RYR1: variants seen among roughly 807,000 people sequenced by gnomAD.
RYR1 encodes the protein ryanodine receptor 1, also known as central core disease of muscle.
A neutral mutation model predicts 583.5 loss-of-function variants in RYR1; 342 were observed. That is an observed-to-expected ratio of 0.59 (90% CI 0.54 to 0.64). RYR1 has a LOEUF of 0.64. Among genes scored for constraint, RYR1 ranks in the 30% least tolerant of loss-of-function variants. The pLI is 0.00. For synonymous variants in RYR1, 2,791 were observed against 2,822.5 expected (o/e 0.99, Z 0.35); for missense variants, 6,032 against 6,917.2 (o/e 0.87, Z 4.54).
intron 89 of RYR1, among the ~76,000 whole-genome samples, chr19:38,555,823 T>C (rs2145813861): frequency 6.6e-6 from 1 of 152,302 alleles, no homozygotes; most frequent in East Asian, 1.9e-4. Flanking sequence ...AGATCTTTAC[T>C]GTCCAACAGA....
chr19:38,536,476 T>G, intron 82 of RYR1, among the ~76,000 whole-genome samples: 1 of 151,494 alleles, frequency 6.6e-6, no homozygotes, highest in Non-Finnish European at 1.5e-5. Flanking sequence ...CGCTCCTGCC[T>G]TTCTACCTCT....
intron 58 of RYR1, among the ~76,000 whole-genome samples, chr19:38,509,666 C>T (rs1043150289): frequency 6.6e-6 from 1 of 151,880 alleles, no homozygotes; most frequent in African/African-American, 2.4e-5. Flanking sequence ...ACCATGTTGG[C>T]CAGGATGGTC....
chr19:38,497,966 C>A (rs1969922892), intron 42 of RYR1, among the ~76,000 whole-genome samples: 1 of 151,546 alleles, frequency 6.6e-6, no homozygotes, highest in Admixed American at 6.6e-5. Flanking sequence ...AGAGCGAGAC[C>A]CCTTAAAAAA....
At chr19:38,460,351 TC>T in intron 19 of RYR1, 23 bp from the exon 20 acceptor site, 1 of 1,605,690 alleles carries the variant, frequency 6.2e-7, no homozygotes, top group Non-Finnish European at 8.5e-7. Context: ...CCCTCAATGA[TC>T]CCCATTGTCC....
intron 31 of RYR1, among the ~76,000 whole-genome samples, chr19:38,480,051 G>A (rs1472214041): frequency 3.9e-5 from 6 of 151,934 alleles, no homozygotes; most frequent in Non-Finnish European, 8.8e-5. Flanking sequence ...AATTAAAAAC[G>A]TATACAAGAA....
chr19:38,445,760 G>A (rs1477862585), intron 7 of RYR1, among the ~76,000 whole-genome samples: 4 of 152,110 alleles, frequency 2.6e-5, no homozygotes, highest in African/African-American at 4.8e-5. Flanking sequence ...GGGCCAAGGC[G>A]GGTGGATCAC....
In RYR1 at chr19:38,460,467, A is replaced by C. The variant is rs374367026; in HGVS notation, c.2453A>C (p.Glu818Ala). 2 of 1,614,104 alleles carry C rather than the reference A, an allele frequency of 1.2e-6. No individual in the cohort carries two copies. The highest frequency in any genetic ancestry group is 1.3e-5 in the African/African-American group (1 of 75,014). The change falls in exon 20 of 106, where the codon GAG becomes GCG. Residue 818 changes from glutamate (E) to alanine (A), a missense_variant. By Grantham distance (107) the Glu-to-Ala change is moderately radical. Around this residue, in one of 11 missense-constraint regions of RYR1, gnomAD observed 2,627 missense variants for 2,961.3 expected, o/e 0.89. Transcript: ENST00000359596. ...TGCCATGAGGCTGTGCTCCCTCGAG[A>C]GCGACTCCATCTTGAACCCATCAAG... ...APCHEAVLPR[E>A]RLHLEPIKEY...
At chr19:38,506,567 C>T in intron 56 of RYR1, 21 bp downstream of exon 56, 1 of 1,613,056 alleles carries the variant, frequency 6.2e-7, no homozygotes, top group Non-Finnish European at 8.5e-7. Flanking sequence ...CCATGCCGCC[C>T]CCACGCTACC....
At chr19:38,527,923 G>C (rs947859188) in intron 73 of RYR1, 139 bp downstream of exon 73, 7 of 1,012,870 alleles carry the variant, frequency 6.9e-6, no homozygotes, top group African/African-American at 6.5e-5. Context: ...TCGAGTTTAA[G>C]GCGAGGCTTA....
intron 82 of RYR1, among the ~76,000 whole-genome samples, chr19:38,536,329 A>G (rs1971967726): frequency 7.8e-6 from 1 of 128,524 alleles, no homozygotes; most frequent in East Asian, 2.3e-4. Context: ...CTCACCCATC[A>G]CTACATGGAC....
At position 38,565,184 on chromosome 19, in the gene RYR1, G is replaced by C; in HGVS notation, c.12850G>C (p.Gly4284Arg). The C allele has an allele frequency of 8.9e-7, 1 of 1,118,920 alleles. No individual in the cohort carries two copies. The allele number at this position is 1,118,920 out of a possible 1,614,324, so 69.3% of individuals were successfully genotyped here. ...GAEEGAAGLE[G>R]TAATAAAGAT... is the part of the protein sequence containing the mutation. ...GGAGGAGGGCGCGGCGGGGCTCGAG[G>C]GCACGGCGGCCACGGCGGCGGCGGG... is the stretch of plus-strand genomic sequence containing the variant. The change falls in exon 91 of 106, where the codon GGC (glycine) becomes CGC (arginine). Residue 4284 changes from glycine to arginine, a missense_variant. By Grantham distance (125) the Gly-to-Arg change is moderately radical. Around this residue, in one of 11 missense-constraint regions of RYR1, gnomAD observed 753 missense variants for 759.6 expected, o/e 0.99. Transcript: ENST00000359596. The surrounding 1 kb of genome is among the most constrained non-coding windows in gnomAD (Gnocchi z 4.7).
At chr19:38,506,988 G>A (rs892255875) in intron 57 of RYR1, 36 bp downstream of exon 57, 15 of 1,611,834 alleles carry the variant, frequency 9.3e-6, no homozygotes, top group Admixed American at 3.3e-5. Flanking sequence ...AGAGCAGCAG[G>A]CAGAACACAC....
intron 21 of RYR1, 37 bp from the exon 22 acceptor site, chr19:38,463,710 A>C: frequency 6.3e-7 from 1 of 1,587,584 alleles, no homozygotes; most frequent in African/African-American, 1.3e-5. Flanking sequence ...TGGGAAGGAA[A>C]GGGGAGCACA....
At chr19:38,455,183 A>G (rs1967299130) in intron 13 of RYR1, 52 bp from the exon 14 acceptor site, 1 of 1,602,500 alleles carries the variant, frequency 6.2e-7, no homozygotes, top group Non-Finnish European at 8.5e-7. Context: ...AAAGACAAGG[A>G]AGGGAGGGCC....
At position 38,499,510 on chromosome 19, in the gene RYR1, G is replaced by A. The variant is rs1455758602; in HGVS notation, c.7028-125G>A. On this transcript the variant is annotated intron_variant, in intron 43 of 105. Coordinates refer to ENST00000359596, the MANE Select transcript of RYR1 (RefSeq NM_000540.3). This position sits in a 1 kb window ranked among gnomAD's most constrained non-coding sequence, Gnocchi z 7.3. ...CTGGCAGGGGCCTGGTGTTACCTCT[G>A]GAGGTGTTGGGTCCTGGAGCTGGAT... The A allele has an allele frequency of 8.6e-7, 1 of 1,156,130 alleles. No homozygotes were observed. The highest frequency in any genetic ancestry group is 1.2e-6 in the Non-Finnish European group (1 of 805,442). 71.6% of individuals were successfully genotyped at this position (1,156,130 alleles called of 1,614,324 possible).
At position 38,525,192 on chromosome 19, in the gene RYR1, G is replaced by C; in HGVS notation, c.10456-140G>C. The C allele has an allele frequency of 4.4e-6, 4 of 916,046 alleles. No individual in the cohort carries two copies. The South Asian group carries it at 5.5e-5, about 13-fold the overall frequency. 56.7% of individuals were successfully genotyped at this position (916,046 alleles called of 1,614,324 possible). A position where few individuals can be genotyped will look rare whatever the true frequency, so the allele number is the denominator to read the frequency against. Reference sequence around the variant, plus strand: ...AGTGTAGAGTCAGCAAGTCTGGGGTGGAAATTGAGGTGTCGTCGGCAGTTG... The same window carrying C: ...AGTGTAGAGTCAGCAAGTCTGGGGTCGAAATTGAGGTGTCGTCGGCAGTTG... On this transcript the variant is annotated intron_variant, in intron 70 of 105. Transcript: ENST00000359596.
Position 38,499,574 on chromosome 19 carries a change from C to A in RYR1, c.7028-61C>A. ...CCCCTGGAGGTGTTGGGTCCTGGGGCTGCATGGGGAGGTCTCTGATGGTGG... is the reference window on the plus strand; with the variant it reads ...CCCCTGGAGGTGTTGGGTCCTGGGGATGCATGGGGAGGTCTCTGATGGTGG... On this transcript the variant is annotated intron_variant, in intron 43 of 105. Coordinates refer to ENST00000359596, the MANE Select transcript of RYR1 (RefSeq NM_000540.3). The surrounding 1 kb of genome is among the most constrained non-coding windows in gnomAD (Gnocchi z 7.3). 1 of 1,569,400 alleles carries A rather than the reference C, an allele frequency of 6.4e-7. No individual in the cohort carries two copies.
At chr19:38,528,262 G>A (rs1268225540) in intron 73 of RYR1, 44 bp from the exon 74 acceptor site, 2 of 1,531,298 alleles carry the variant, frequency 1.3e-6, no homozygotes, top group South Asian at 2.2e-5. Context: ...GGAGTGAGAG[G>A]GGCAGGGTCT....
chr19:38,468,207 T>TCATC (rs561219158), intron 25 of RYR1, among the ~76,000 whole-genome samples: 3,118 of 148,920 alleles, frequency 0.021, 90 homozygotes, highest in African/African-American at 0.065. Flanking sequence ...TATAGTCCCA[T>TCATC]CATCCATCCA....
Sources: allele counts gnomAD v4.1 joint callset (sites outside exome capture counted in the v4.1 genomes callset), GRCh38; gene constraint gnomAD v4.1.1; regional missense constraint gnomAD v4.1.1; non-coding constraint Gnocchi (gnomAD v3.1); transcripts MANE v1.5; gene names NCBI Gene and HGNC (gene_info 2026-07-23, HGNC 2026-07-21).